The following CAPN1 variants were observed in gnomAD, a reference collection of about 807,000 sequenced individuals.
CAPN1 encodes calpain-1 catalytic subunit.
CAPN1 carries 77 observed loss-of-function variants against 105.2 expected under a neutral mutation model. The ratio of observed to expected loss-of-function variants is 0.73; its 90% CI spans 0.61 to 0.88. The LOEUF is 0.88. CAPN1 is among the 40% of genes least tolerant of loss of function. The pLI is 0.00. For missense variants in CAPN1, 833 were observed against 976.6 expected, an observed-to-expected ratio of 0.85 and a Z score of 1.96; for synonymous variants, 355 against 388.8, an observed-to-expected ratio of 0.91 and a Z score of 1.02.
At chr11:65,197,888 GA>G (rs71049687) in intron 10 of CAPN1, among the ~76,000 whole-genome samples, 7,454 of 83,344 alleles carry the variant, frequency 0.089, 258 homozygotes, top group East Asian at 0.15. Context: ...AACTCTATCT[GA>G]AAAAAAAAAA....
intron 10 of CAPN1, among the ~76,000 whole-genome samples, chr11:65,198,826 A>AT (rs939197012): frequency 4.6e-5 from 7 of 151,760 alleles, no homozygotes; most frequent in Non-Finnish European, 1.5e-5. Context: ...TGCCCAGATA[A>AT]TTTTTTTTGG....
chr11:65,208,493 A>C lies in CAPN1; in HGVS notation c.1729+231A>C, dbSNP rs1210297405. The C allele has an allele frequency of 1.7e-6, 1 of 594,526 alleles. No individual in the cohort carries two copies. The highest frequency in any genetic ancestry group is 3.0e-6 in the Non-Finnish European group (1 of 330,616). The allele number at this position is 594,526 out of a possible 1,614,324, so 36.8% of individuals were successfully genotyped here. ...TGTGCCTTTGTGGGATTAGCAGCGC[A>C]GCCTGGCCAGGCACAGTGGCTCACA... On this transcript the variant is annotated intron_variant, in intron 16 of 21. Transcript: ENST00000279247. This position sits in a 1 kb window ranked among gnomAD's most constrained non-coding sequence, Gnocchi z 4.1.
At chr11:65,186,857 G>A (rs777086032) in intron 6 of CAPN1, among the ~76,000 whole-genome samples, 6 of 152,136 alleles carry the variant, frequency 3.9e-5, no homozygotes, top group African/African-American at 4.8e-5. Context: ...CTGTCCTCAC[G>A]TCCTTCTCCG....
At chr11:65,203,321 C>T (rs753500227) in intron 10 of CAPN1, 3 of 152,070 alleles carry the variant, frequency 2.0e-5, no homozygotes, top group Non-Finnish European at 4.4e-5. Context: ...TCCTGAGTAG[C>T]TGGGATTACA....
intron 10 of CAPN1, among the ~76,000 whole-genome samples, chr11:65,190,528 G>A (rs1321475897): frequency 1.3e-5 from 2 of 152,056 alleles, no homozygotes; most frequent in Non-Finnish European, 2.9e-5. Flanking sequence ...CAGCACTAGC[G>A]CCCTCAAGTA....
intron 14 of CAPN1, among the ~76,000 whole-genome samples, chr11:65,207,231 A>C (rs1590865802): frequency 4.1e-5 from 5 of 122,814 alleles, no homozygotes; most frequent in Admixed American, 9.7e-5. Flanking sequence ...AGAGAGTCTC[A>C]CTCTGTCACC....
Position 65,188,085 on chromosome 11 carries a change from T to G in CAPN1, c.929+45T>G, listed in dbSNP as rs1235529443. ...GTCTGGAGTGCCTTGGGGAAACTGT[T>G]AGGTGCCCCGACATTTCTGCTCGGG... is the stretch of plus-strand genomic sequence containing the variant. On this transcript the variant is annotated intron_variant, in intron 8 of 21. Transcript: ENST00000279247. This position sits in a 1 kb window ranked among gnomAD's most constrained non-coding sequence, Gnocchi z 5.5. 9.1e-6 allele frequency: 12 copies of G among 1,323,546 alleles called. No individual in the cohort carries two copies. In the East Asian group the frequency reaches 3.0e-4, roughly 33 times the overall value. The allele number at this position is 1,323,546 out of a possible 1,614,324, so 82.0% of individuals were successfully genotyped here.
At chr11:65,194,582 A>T (rs554775140) in intron 10 of CAPN1, among the ~76,000 whole-genome samples, 1 of 151,510 alleles carries the variant, frequency 6.6e-6, no homozygotes, top group African/African-American at 2.4e-5. Context: ...ATTGGCCATC[A>T]CTTTCTATCC....
intron 10 of CAPN1, among the ~76,000 whole-genome samples, chr11:65,194,203 A>G (rs1400031574): frequency 1.3e-5 from 2 of 151,910 alleles, no homozygotes; most frequent in African/African-American, 2.4e-5. Context: ...CCTGACCTCA[A>G]CTGATCCGCC....
chr11:65,210,863 C>T lies in CAPN1; in HGVS notation c.2109C>T (p.Asp703=). The T allele has an allele frequency of 6.2e-7, 1 of 1,613,344 alleles. No individual in the cohort carries two copies. The highest frequency in any genetic ancestry group is 8.5e-7 in the Non-Finnish European group (1 of 1,179,422). ...ATCTGGATGGAGTTGTGACCTTTGA[C>T]TTGTTTAAGGTGGGAACCTCCCTGG... ...DTDLDGVVTF[D]LFKWLQLTMF... Residue 703 remains aspartate, a synonymous_variant, in exon 21 of 22, where the codon GAC becomes GAT. Transcript: ENST00000279247. This position sits in a 1 kb window ranked among gnomAD's most constrained non-coding sequence, Gnocchi z 4.3.
rs558927226 is a variant in CAPN1, at chr11:65,209,231, G to A, written c.1730-92G>A. On this transcript the variant is annotated intron_variant, in intron 16 of 21. Coordinates refer to ENST00000279247, the MANE Select transcript of CAPN1 (RefSeq NM_005186.4). This position sits in a 1 kb window ranked among gnomAD's most constrained non-coding sequence, Gnocchi z 4.1. ...ATTGCACCCACTCGTCAGGATTTGT[G>A]CGTCCTTGACTCTGCCCCACCCAGT... 5.3e-6 allele frequency: 5 copies of A among 939,284 alleles called. No individual in the cohort carries two copies. The East Asian group carries it at 1.3e-4, about 24-fold the overall frequency. 58.2% of individuals were successfully genotyped at this position (939,284 alleles called of 1,614,324 possible).
intron 4 of CAPN1, among the ~76,000 whole-genome samples, chr11:65,184,180 C>A (rs1445584307): frequency 6.6e-6 from 1 of 152,300 alleles, no homozygotes; most frequent in African/African-American, 2.4e-5. Flanking sequence ...AGGCCCCAGC[C>A]CTGCCCGAAG....
chr11:65,186,902 C>G (rs1322877718), intron 6 of CAPN1, among the ~76,000 whole-genome samples: 1 of 152,208 alleles, frequency 6.6e-6, no homozygotes, highest in African/African-American at 2.4e-5. Context: ...CTCTGGTGGG[C>G]TGTGCACGGC....
intron 11 of CAPN1, among the ~76,000 whole-genome samples, chr11:65,205,410 C>A (rs555055289): frequency 1.3e-5 from 2 of 152,316 alleles, no homozygotes; most frequent in African/African-American, 4.8e-5. Flanking sequence ...TGCGGTGGCC[C>A]TTTCCTGTCC....
chr11:65,210,164 G>A lies in CAPN1; in HGVS notation c.1942+68G>A. 7.2e-7 allele frequency: 1 copy of A among 1,389,766 alleles called. No individual in the cohort carries two copies. Among genetic ancestry groups the A allele is most frequent in the Admixed American group, 1.7e-5 (1 of 59,336 alleles). The allele number at this position is 1,389,766 out of a possible 1,614,324, so 86.1% of individuals were successfully genotyped here. On this transcript the variant is annotated intron_variant, in intron 19 of 21. Transcript: ENST00000279247. The surrounding 1 kb of genome is among the most constrained non-coding windows in gnomAD (Gnocchi z 4.3). ...GTAGCCCCACTGCTCCTATGCCCCA[G>A]GCCCTTGTCCCTGGGGTGCTAGTGG...
chr11:65,209,202 AG>A lies in CAPN1; in HGVS notation c.1730-120del, dbSNP rs1456862902. 4 of 722,968 alleles carry A rather than the reference AG, an allele frequency of 5.5e-6. No individual in the cohort carries two copies. In the African/African-American group the frequency reaches 7.0e-5, roughly 13 times the overall value. 44.8% of individuals were successfully genotyped at this position (722,968 alleles called of 1,614,324 possible). A position where few individuals can be genotyped will look rare whatever the true frequency, so the allele number is the denominator to read the frequency against. On this transcript the variant is annotated intron_variant, in intron 16 of 21. Coordinates refer to ENST00000279247, the MANE Select transcript of CAPN1 (RefSeq NM_005186.4). This position sits in a 1 kb window ranked among gnomAD's most constrained non-coding sequence, Gnocchi z 4.1. ...AACAATCCTGCCCACTTCCTCTGCC[AG>A]ATATTGCACCCACTCGTCAGGATTT...
At position 65,188,433 on chromosome 11, in the gene CAPN1, G is replaced by T. The variant is rs575591830; in HGVS notation, c.949G>T (p.Val317Leu). 11 of 1,612,532 alleles carry T rather than the reference G, an allele frequency of 6.8e-6. No homozygotes were observed. The highest frequency in any genetic ancestry group is 9.3e-6 in the Non-Finnish European group (11 of 1,179,312). The part of the protein sequence containing the change: ...WSDSSSEWNN[V>L]DPYERDQLRV... ...TCACAGCTCCTCAGAGTGGAACAAC[G>T]TGGACCCATATGAACGGGACCAGCT... The change falls in exon 9 of 22, where the codon GTG becomes TTG. Residue 317 changes from valine to leucine, a missense_variant. By Grantham distance (32) the Val-to-Leu change is conservative (BLOSUM62 1). Coordinates refer to ENST00000279247, the MANE Select transcript of CAPN1 (RefSeq NM_005186.4). This position sits in a 1 kb window ranked among gnomAD's most constrained non-coding sequence, Gnocchi z 5.5.
At chr11:65,189,268 A>C (rs942234490) in intron 10 of CAPN1, among the ~76,000 whole-genome samples, 1 of 152,134 alleles carries the variant, frequency 6.6e-6, no homozygotes, top group Non-Finnish European at 1.5e-5. Context: ...TGATCCGACC[A>C]CCTTGGCCTC....
Position 65,208,243 on chromosome 11 carries a change from C to T in CAPN1, c.1710C>T (p.Leu570=). The change falls in exon 16 of 22, where the codon CTC becomes CTT. Residue 570 remains leucine (L), a synonymous_variant. Transcript: ENST00000279247. This position sits in a 1 kb window ranked among gnomAD's most constrained non-coding sequence, Gnocchi z 4.1. ...GCGTGAAGGAGTTGCGGACAATCCT[C>T]AATAGGATCATCAGCAAACGTGAGT... ...EISVKELRTI[L]NRIISKHKDL... The T allele has an allele frequency of 6.4e-7, 1 of 1,569,738 alleles. No individual in the cohort carries two copies.
Sources: gnomAD v4.1 joint callset for allele counts (sites outside exome capture counted in the v4.1 genomes callset) on GRCh38, gnomAD v4.1.1 for gene constraint, Gnocchi (gnomAD v3.1) non-coding constraint, MANE v1.5 for transcripts, NCBI Gene and HGNC (gene_info 2026-07-23, HGNC 2026-07-21) for gene names.